TMEM184B: variants seen among roughly 807,000 people sequenced by gnomAD.
The protein encoded by TMEM184B is putative MAPK-activating protein FM08.
Under a neutral mutation model 41.8 loss-of-function variants are expected in TMEM184B, and 17 were observed. The observed-to-expected ratio is 0.41, with a 90% confidence interval of 0.28 to 0.61. The LOEUF is 0.61. Among genes scored for constraint, TMEM184B ranks in the 20% least tolerant of loss-of-function variants. The probability of loss-of-function intolerance (pLI) is 0.34; values close to 1 mark genes in which losing one functional copy is unlikely to be tolerated. For synonymous variants in TMEM184B, 240 were observed against 229.5 expected (o/e 1.05, Z -0.41); for missense variants, 393 against 557.8 (o/e 0.70, Z 2.98).
chr22:38,256,988 T>G (rs1361511495), intron 1 of TMEM184B, among the ~76,000 whole-genome samples: 3 of 150,376 alleles, frequency 2.0e-5, no homozygotes, highest in East Asian at 1.9e-4. Context: ...TTTTTTTTTT[T>G]TTTTTTTTTT....
At chr22:38,222,127 C>T (rs147082376) in intron 8 of TMEM184B, 2,254 of 210,556 alleles carry the variant, frequency 0.011, 47 homozygotes, top group South Asian at 0.034. Flanking sequence ...AGGTGCCAGG[C>T]GCGTCCCCCA....
chr22:38,269,581 C>G (rs2092491539), intron 1 of TMEM184B, among the ~76,000 whole-genome samples: 1 of 152,122 alleles, frequency 6.6e-6, no homozygotes, highest in South Asian at 2.1e-4. Context: ...CCTATAATCT[C>G]AGCGCTTTAG....
chr22:38,250,311 G>C (rs1459637709), intron 1 of TMEM184B, among the ~76,000 whole-genome samples: 1 of 152,214 alleles, frequency 6.6e-6, no homozygotes, highest in Non-Finnish European at 1.5e-5. Context: ...AGCTGTAAGT[G>C]TGCACCCTAG....
chr22:38,263,591 T>C (rs2092402123), intron 1 of TMEM184B, among the ~76,000 whole-genome samples: 1 of 152,178 alleles, frequency 6.6e-6, no homozygotes, highest in African/African-American at 2.4e-5. Flanking sequence ...AATCTTTTGC[T>C]ATTAAAAATA....
At position 38,226,127 on chromosome 22, in the gene TMEM184B, T is replaced by C. The variant is rs2091431103; in HGVS notation, c.618-534A>G. 6.6e-6 allele frequency among the ~76,000 whole-genome samples: 1 copy of C among 151,342 alleles called. No individual in the cohort carries two copies. ...GGAGTTTTGTTCTTGTCACCCAGGCTAGAGTGCAATGGCGTGATCTTGGCT... is the reference window on the plus strand; with the variant it reads ...GGAGTTTTGTTCTTGTCACCCAGGCCAGAGTGCAATGGCGTGATCTTGGCT... On this transcript the variant is annotated intron_variant, in intron 6 of 8. Coordinates refer to ENST00000361906, the MANE Select transcript of TMEM184B (RefSeq NM_012264.5). The surrounding 1 kb of genome is among the most constrained non-coding windows in gnomAD (Gnocchi z 4.6).
chr22:38,234,311 C>A (rs2091714419), intron 3 of TMEM184B, among the ~76,000 whole-genome samples: 1 of 152,178 alleles, frequency 6.6e-6, no homozygotes, highest in Non-Finnish European at 1.5e-5. Flanking sequence ...TTTGGAGACA[C>A]CGCACAGAGA....
rs769507993 is a variant in TMEM184B, at chr22:38,221,440, G to A, written c.*29C>T. On this transcript the variant is annotated 3_prime_UTR_variant, in exon 9 of 9. Transcript: ENST00000361906. ...GGCACAGCCTGACCGTGGCTATGGCGCCAGCACTTCCGCCACTGCAGCCCG... is the reference window on the plus strand; with the variant it reads ...GGCACAGCCTGACCGTGGCTATGGCACCAGCACTTCCGCCACTGCAGCCCG... 15 of 1,568,594 alleles carry A rather than the reference G, an allele frequency of 9.6e-6. No individual in the cohort carries two copies. The highest frequency in any genetic ancestry group is 6.7e-5 in the East Asian group (3 of 44,514).
rs549467761 is a variant in TMEM184B, at chr22:38,228,608, CTACTT to C, written c.526-1743_526-1739del. 7.9e-5 allele frequency among the ~76,000 whole-genome samples: 12 copies of C among 152,296 alleles called. No individual in the cohort carries two copies. The South Asian group carries it at 2.5e-3, about 32-fold the overall frequency. ...TAGTGGGTGGTTGATCTGGGAATCT[CTACTT>C]TAAGTAGGGAATCTCTCCAGAAGGT... On this transcript the variant is annotated intron_variant, in intron 5 of 8. Coordinates refer to ENST00000361906, the MANE Select transcript of TMEM184B (RefSeq NM_012264.5).
At chr22:38,269,346 A>T (rs1018373745) in intron 1 of TMEM184B, among the ~76,000 whole-genome samples, 1 of 152,060 alleles carries the variant, frequency 6.6e-6, no homozygotes, top group Non-Finnish European at 1.5e-5. Flanking sequence ...TTAGCCTCCC[A>T]AGTAGCTGGG....
intron 5 of TMEM184B, 105 bp downstream of exon 5, chr22:38,230,564 C>G: frequency 8.4e-7 from 1 of 1,186,996 alleles, no homozygotes; most frequent in Non-Finnish European, 1.2e-6. Flanking sequence ...TGGGGTGCCT[C>G]ATAGGAAAGG....
chr22:38,242,312 CAAAA>C (rs749920784), intron 3 of TMEM184B, among the ~76,000 whole-genome samples: 1 of 109,490 alleles, frequency 9.1e-6, no homozygotes, highest in East Asian at 2.6e-4. Flanking sequence ...TACTAAAATA[CAAAA>C]AAAAAAAAAA....
intron 1 of TMEM184B, among the ~76,000 whole-genome samples, chr22:38,264,279 C>T (rs974588896): frequency 6.6e-5 from 10 of 152,298 alleles, no homozygotes; most frequent in African/African-American, 2.4e-4. Flanking sequence ...CCCACTTGGC[C>T]CCTTGACCCT....
chr22:38,255,032 T>G lies in TMEM184B; in HGVS notation c.-58-7013A>C, dbSNP rs139787387. On this transcript the variant is annotated intron_variant, in intron 1 of 8. Coordinates refer to ENST00000361906, the MANE Select transcript of TMEM184B (RefSeq NM_012264.5). ...TGGCCAGCTAATTTTTTTTATTTAT[T>G]TATTTTTTTGAGACGGAGTCTCACT... 6.5e-3 allele frequency among the ~76,000 whole-genome samples: 992 copies of G among 151,876 alleles called. 13 individuals are homozygous for G. The highest frequency in any genetic ancestry group is 0.023 in the African/African-American group (951 of 41,428).
intron 3 of TMEM184B, 47 bp downstream of exon 3, chr22:38,245,888 G>T: frequency 1.8e-5 from 10 of 545,858 alleles, no homozygotes; most frequent in Non-Finnish European, 3.4e-5. Flanking sequence ...GGGGCTCCCA[G>T]CCCCCCAGCC....
Position 38,221,167 on chromosome 22 carries a change from C to T in TMEM184B, c.*302G>A, listed in dbSNP as rs573383274. On this transcript the variant is annotated 3_prime_UTR_variant, in exon 9 of 9. Transcript: ENST00000361906. The stretch of plus-strand genomic sequence containing the variant: ...ACACACAAGCATTGGGGCCTGGGTG[C>T]GGCTGGTCCCAGCATGCCCCCAGCA... 8 of 1,223,086 alleles carry T rather than the reference C, an allele frequency of 6.5e-6. No homozygotes were observed. Among genetic ancestry groups the T allele is most frequent in the African/African-American group, 6.2e-5 (4 of 64,308 alleles). 75.8% of individuals were successfully genotyped at this position (1,223,086 alleles called of 1,614,324 possible).
chr22:38,272,556 C>T, intron 1 of TMEM184B: 3 of 985,656 alleles, frequency 3.0e-6, no homozygotes, highest in Non-Finnish European at 3.6e-6. Flanking sequence ...TCTTGCAAAG[C>T]GCCTTGGTCC....
intron 1 of TMEM184B, among the ~76,000 whole-genome samples, chr22:38,250,929 A>G (rs903192497): frequency 6.6e-6 from 1 of 152,182 alleles, no homozygotes; most frequent in Non-Finnish European, 1.5e-5. Flanking sequence ...ACAAGAGGAA[A>G]TGCACCCAGA....
At chr22:38,249,232 T>C (rs894782473) in intron 1 of TMEM184B, among the ~76,000 whole-genome samples, 2 of 152,166 alleles carry the variant, frequency 1.3e-5, no homozygotes, top group South Asian at 2.1e-4. Flanking sequence ...TCCCTGCGGC[T>C]TCCGCCTCCC....
At chr22:38,249,792 G>A (rs146152345) in intron 1 of TMEM184B, among the ~76,000 whole-genome samples, 46 of 152,322 alleles carry the variant, frequency 3.0e-4, no homozygotes, top group African/African-American at 9.9e-4. Flanking sequence ...AAGCCCTGAT[G>A]GGGCGGCCCT....
Sources: gnomAD v4.1 joint callset for allele counts (sites outside exome capture counted in the v4.1 genomes callset) on GRCh38, gnomAD v4.1.1 for gene constraint, Gnocchi (gnomAD v3.1) non-coding constraint, MANE v1.5 for transcripts, NCBI Gene and HGNC (gene_info 2026-07-23, HGNC 2026-07-21) for gene names.